Variants in EPB41 observed in about 807,000 individuals in gnomAD.
The protein encoded by EPB41 is protein 4.1.
EPB41 carries 65 observed loss-of-function variants against 108.0 expected under a neutral mutation model. The observed-to-expected ratio is 0.60, with a 90% confidence interval of 0.49 to 0.74. EPB41 has a LOEUF of 0.74. EPB41 is among the 30% of genes least tolerant of loss of function. The pLI is 0.00. For missense variants in EPB41, 875 were observed against 1,037.0 expected (o/e 0.84, Z 2.15); for synonymous variants, 336 against 358.9 (o/e 0.94, Z 0.72).
Position 28,996,484 on chromosome 1 carries a change from C to T in EPB41, c.682-731C>T, listed in dbSNP as rs1235511039. On this transcript the variant is annotated intron_variant, in intron 3 of 20. Coordinates refer to ENST00000343067, the MANE Select transcript of EPB41 (RefSeq NM_001376013.1). Reference sequence around the variant, plus strand: ...TAGAGTCTAATGATTTCCACAGCCACAATTAAATGTCACTCTGGACAGTTG... The same window carrying T: ...TAGAGTCTAATGATTTCCACAGCCATAATTAAATGTCACTCTGGACAGTTG... 3.3e-5 allele frequency among the ~76,000 whole-genome samples: 5 copies of T among 152,148 alleles called. No individual in the cohort carries two copies. The East Asian group carries it at 9.6e-4, about 29-fold the overall frequency.
rs764419248 is a variant in EPB41, at chr1:29,065,211, T to G, written c.2184+53T>G. 5.9e-5 allele frequency: 89 copies of G among 1,516,122 alleles called. No homozygotes were observed. Among genetic ancestry groups the G allele is most frequent in the Non-Finnish European group, 7.7e-5 (87 of 1,132,562 alleles). The allele number at this position is 1,516,122 out of a possible 1,614,324, so 93.9% of individuals were successfully genotyped here. A position where few individuals can be genotyped will look rare whatever the true frequency, so the allele number is the denominator to read the frequency against. On this transcript the variant is annotated intron_variant, in intron 16 of 20. Transcript: ENST00000343067. The stretch of plus-strand genomic sequence containing the variant: ...GTGAAAATGGAGGGAATAAATGTTT[T>G]TATGTATTAATATTCTGTATCTGAG...
chr1:29,058,762 G>A (rs1645990414), intron 13 of EPB41, 49 bp from the exon 14 acceptor site: 1 of 1,532,292 alleles, frequency 6.5e-7, no homozygotes, highest in Non-Finnish European at 8.8e-7. Flanking sequence ...AAACTTCAAT[G>A]AGCAACATTT....
chr1:29,053,401 T>C (rs1265871241), intron 12 of EPB41, 89 bp downstream of exon 12: 2 of 1,324,396 alleles, frequency 1.5e-6, no homozygotes, highest in Non-Finnish European at 2.2e-6. Flanking sequence ...AAGCAATTGC[T>C]TATTCTCATA....
chr1:28,920,376 T>C (rs892136571), intron 1 of EPB41, among the ~76,000 whole-genome samples: 2 of 152,234 alleles, frequency 1.3e-5, no homozygotes, highest in African/African-American at 4.8e-5. Context: ...AGATGCAACC[T>C]GATTCCATCC....
chr1:28,974,094 G>A (rs2095550193), intron 1 of EPB41, among the ~76,000 whole-genome samples: 1 of 152,100 alleles, frequency 6.6e-6, no homozygotes. Flanking sequence ...GTTTCAAATT[G>A]CATCATTATC....
chr1:29,045,144 A>G (rs1035289918), intron 11 of EPB41, among the ~76,000 whole-genome samples: 9 of 152,180 alleles, frequency 5.9e-5, no homozygotes, highest in Non-Finnish European at 1.5e-5. Context: ...AAAAAGTCTT[A>G]ATACTTTTAT....
intron 1 of EPB41, among the ~76,000 whole-genome samples, chr1:28,978,715 C>G (rs1027472337): frequency 6.6e-6 from 1 of 151,124 alleles, no homozygotes; most frequent in Non-Finnish European, 1.5e-5. Context: ...CTGGGGGGCC[C>G]GGAAAGAACA....
At chr1:28,915,731 C>CTTTTTTTTTTTTTTTTTTTTTTTTTTTGT (rs11321625) in intron 1 of EPB41, among the ~76,000 whole-genome samples, 1 of 56,074 alleles carries the variant, frequency 1.8e-5, no homozygotes, top group Non-Finnish European at 3.1e-5. Context: ...TTTTCAGATG[C>CTTTTTTTTTTTTTTTTTTTTTTTTTTTGT]TTTTTTTTTT....
At chr1:28,972,603 C>G (rs2095519862) in intron 1 of EPB41, among the ~76,000 whole-genome samples, 1 of 151,526 alleles carries the variant, frequency 6.6e-6, no homozygotes, top group African/African-American at 2.4e-5. Context: ...GTATGGCAAG[C>G]AGTTTTTTTT....
At chr1:28,919,578 C>G (rs1407956318) in intron 1 of EPB41, among the ~76,000 whole-genome samples, 1 of 152,104 alleles carries the variant, frequency 6.6e-6, no homozygotes, top group Non-Finnish European at 1.5e-5. Context: ...ATTCTTCCGC[C>G]TCAGCCTCCT....
At chr1:28,909,986 G>A (rs991152671), upstream of EPB41, among the ~76,000 whole-genome samples, 11 of 151,812 alleles carry the variant, frequency 7.2e-5, no homozygotes, top group Non-Finnish European at 1.2e-4. Context: ...GGAGGCTGAG[G>A]TGGGAGGATC....
chr1:29,050,822 C>T (rs910324772), intron 11 of EPB41, among the ~76,000 whole-genome samples: 2 of 151,970 alleles, frequency 1.3e-5, no homozygotes, highest in African/African-American at 4.8e-5. Flanking sequence ...ACTACAGACG[C>T]CCGCCACCAC....
At chr1:29,084,173 C>T (rs1407659350) in intron 16 of EPB41, among the ~76,000 whole-genome samples, 2 of 152,218 alleles carry the variant, frequency 1.3e-5, no homozygotes, top group Non-Finnish European at 2.9e-5. Flanking sequence ...ATCCCCTATT[C>T]CCACTGCCAT....
intron 7 of EPB41, among the ~76,000 whole-genome samples, chr1:29,026,478 A>T (rs1027325762): frequency 6.6e-6 from 1 of 152,224 alleles, no homozygotes; most frequent in African/African-American, 2.4e-5. Context: ...GAATGATGGG[A>T]AATGGTCAGA....
At chr1:29,058,923 GAC>G (rs1367871987) in intron 14 of EPB41, 71 bp downstream of exon 14, 1 of 1,262,584 alleles carries the variant, frequency 7.9e-7, no homozygotes, top group African/African-American at 1.5e-5. Context: ...GCATTAAAAA[GAC>G]AGTGATCCAT....
rs1315922963 is a variant in EPB41 at position 29,053,547 on chromosome 1, CTAT to C, written c.1845+240_1845+242del. 2.5e-5 allele frequency: 12 copies of C among 478,086 alleles called. No individual in the cohort carries two copies. The South Asian group carries it at 2.9e-4, about 11-fold the overall frequency. 29.6% of individuals were successfully genotyped at this position (478,086 alleles called of 1,614,324 possible). A position where few individuals can be genotyped will look rare whatever the true frequency, so the allele number is the denominator to read the frequency against. ...TAAGGTGACCCACTCCTTGACCCAA[CTAT>C]TATTTTTATTTATTTATTTATTTTT... On this transcript the variant is annotated intron_variant, in intron 12 of 20. Coordinates refer to ENST00000343067, the MANE Select transcript of EPB41 (RefSeq NM_001376013.1).
intron 1 of EPB41, among the ~76,000 whole-genome samples, chr1:28,969,236 C>G (rs2095436278): frequency 6.6e-6 from 1 of 151,654 alleles, no homozygotes. Flanking sequence ...AGGCACCCAC[C>G]ACCATGCCTG....
chr1:28,911,162 A>C, upstream of EPB41: 3 of 985,408 alleles, frequency 3.0e-6, no homozygotes, highest in Non-Finnish European at 3.6e-6. Context: ...ACATCTTCCT[A>C]TGTGATAGGC....
At chr1:29,080,280 G>T (rs965793856) in intron 16 of EPB41, among the ~76,000 whole-genome samples, 1 of 151,722 alleles carries the variant, frequency 6.6e-6, no homozygotes, top group Non-Finnish European at 1.5e-5. Context: ...CACCGCACCC[G>T]GCTAATTTTT....
Sources: allele counts gnomAD v4.1 joint callset (sites outside exome capture counted in the v4.1 genomes callset), GRCh38; gene constraint gnomAD v4.1.1; transcripts MANE v1.5; gene names NCBI Gene and HGNC (gene_info 2026-07-23, HGNC 2026-07-21).